The following FHIP1A variants were observed in gnomAD, a reference collection of about 807,000 sequenced individuals.
FHIP1A encodes the protein FHF complex subunit HOOK interacting protein 1A.
In FHIP1A, 61 loss-of-function variants were observed where a neutral mutation model predicts 88.6. The ratio of observed to expected loss-of-function variants is 0.69; its 90% CI spans 0.56 to 0.85. FHIP1A has a LOEUF of 0.85. FHIP1A is among the 40% of genes least tolerant of loss of function. The probability of loss-of-function intolerance (pLI) is 0.00; values close to 1 mark genes in which losing one functional copy is unlikely to be tolerated. For missense variants in FHIP1A, 1,154 were observed against 1,273.5 expected, an observed-to-expected ratio of 0.91 and a Z score of 1.43; for synonymous variants, 478 against 496.0, an observed-to-expected ratio of 0.96 and a Z score of 0.48.
At chr4:151,653,070 T>A (rs1250799174) in intron 11 of FHIP1A, among the ~76,000 whole-genome samples, 1 of 152,168 alleles carries the variant, frequency 6.6e-6, no homozygotes, top group African/African-American at 2.4e-5. Flanking sequence ...GAATTCAGAA[T>A]GCGCCAGTGC....
chr4:151,522,581 C>T (rs1190462579), intron 3 of FHIP1A, among the ~76,000 whole-genome samples: 1 of 152,192 alleles, frequency 6.6e-6, no homozygotes, highest in Non-Finnish European at 1.5e-5. Context: ...TTTTTCACTT[C>T]CCTGCCTATT....
At chr4:151,452,759 C>T (rs992640703) in intron 1 of FHIP1A, among the ~76,000 whole-genome samples, 11 of 141,176 alleles carry the variant, frequency 7.8e-5, no homozygotes, top group Admixed American at 6.4e-4. Context: ...GCCTGGGTGA[C>T]GGAATGAGAC....
intron 2 of FHIP1A, among the ~76,000 whole-genome samples, chr4:151,474,219 A>G (rs1228073600): frequency 6.6e-6 from 1 of 152,208 alleles, no homozygotes; most frequent in African/African-American, 2.4e-5. Flanking sequence ...ATGTTGGAAA[A>G]TGATTTTATT....
intron 7 of FHIP1A, among the ~76,000 whole-genome samples, chr4:151,620,225 G>T (rs1414793522): frequency 6.6e-6 from 1 of 152,226 alleles, no homozygotes; most frequent in Non-Finnish European, 1.5e-5. Context: ...GCAGATAGGA[G>T]AGATGGTGTT....
intron 3 of FHIP1A, among the ~76,000 whole-genome samples, chr4:151,556,266 TATGATCAGGTCTACCTAAA>T (rs1279524410): frequency 1.3e-5 from 2 of 152,188 alleles, no homozygotes; most frequent in African/African-American, 4.8e-5. Flanking sequence ...TTGATATTAG[TATGATCAGGTCTACCTAAA>T]ATCCAAATGC....
At chr4:151,645,373 C>A (rs1005140350) in intron 9 of FHIP1A, among the ~76,000 whole-genome samples, 1 of 152,060 alleles carries the variant, frequency 6.6e-6, no homozygotes, top group African/African-American at 2.4e-5. Context: ...TCTTTCCTCT[C>A]TGACTCTGGC....
chr4:151,588,877 A>G lies in FHIP1A; in HGVS notation c.929A>G (p.Tyr310Cys). ...TTGATTCGAAATCAGCTTGTCAATT[A>G]CATTTACAATGGATTTTTGGTACCA... ...HPLIRNQLVN[Y>C]IYNGFLVPVL... Residue 310 changes from tyrosine (Y) to cysteine (C), a missense_variant, in exon 7 of 14, where the codon TAC (tyrosine) becomes TGC (cysteine). Coordinates refer to ENST00000435205, the MANE Select transcript of FHIP1A (RefSeq NM_001109977.3). The G allele has an allele frequency of 6.4e-7, 1 of 1,551,358 alleles. No individual in the cohort carries two copies.
chr4:151,626,097 AT>A (rs1332828862), intron 7 of FHIP1A, among the ~76,000 whole-genome samples: 2 of 152,252 alleles, frequency 1.3e-5, no homozygotes, highest in African/African-American at 2.4e-5. Context: ...CAAAGCACAT[AT>A]ATTTAATGTA....
At chr4:151,622,499 T>A (rs1735785211) in intron 7 of FHIP1A, among the ~76,000 whole-genome samples, 1 of 152,132 alleles carries the variant, frequency 6.6e-6, no homozygotes, top group Admixed American at 6.5e-5. Flanking sequence ...TCTCCAGCCT[T>A]CTGGTGATTC....
chr4:151,502,336 A>G (rs1482991128), intron 3 of FHIP1A, among the ~76,000 whole-genome samples: 1 of 150,930 alleles, frequency 6.6e-6, no homozygotes, highest in Non-Finnish European at 1.5e-5. Flanking sequence ...ACAAACAAAC[A>G]AACAAACAAA....
At chr4:151,458,361 T>G (rs1388659749) in intron 2 of FHIP1A, among the ~76,000 whole-genome samples, 1 of 152,176 alleles carries the variant, frequency 6.6e-6, no homozygotes, top group Non-Finnish European at 1.5e-5. Context: ...GTGTTCTTGG[T>G]CCTATAAGGA....
At chr4:151,619,249 T>C (rs1735651137) in intron 7 of FHIP1A, among the ~76,000 whole-genome samples, 1 of 152,236 alleles carries the variant, frequency 6.6e-6, no homozygotes, top group African/African-American at 2.4e-5. Flanking sequence ...GTGCCACTGT[T>C]TTTTTCCAGT....
chr4:151,577,918 G>T lies in FHIP1A; in HGVS notation c.574G>T (p.Ala192Ser). 6.4e-7 allele frequency: 1 copy of T among 1,551,490 alleles called. No individual in the cohort carries two copies. The highest frequency in any genetic ancestry group is 8.7e-7 in the Non-Finnish European group (1 of 1,146,954). Residue 192 changes from alanine (A) to serine (S), a missense_variant, in exon 5 of 14, where the codon GCT becomes TCT. By Grantham distance (99) the Ala-to-Ser change is moderately conservative (BLOSUM62 1). Transcript: ENST00000435205. The stretch of plus-strand genomic sequence containing the variant: ...CTTCCACACTAGTGAAGACCAAGGC[G>T]CTGCCAACTTCCTCATCTTCTCCCT... ...LFFHTSEDQG[A>S]ANFLIFSLLI...
At chr4:151,515,143 G>T (rs1414476251) in intron 3 of FHIP1A, among the ~76,000 whole-genome samples, 4 of 152,118 alleles carry the variant, frequency 2.6e-5, no homozygotes, top group Non-Finnish European at 4.4e-5. Context: ...TGCAAGACTG[G>T]TTCAATATAT....
At chr4:151,611,960 T>C (rs1415700237) in intron 7 of FHIP1A, among the ~76,000 whole-genome samples, 1 of 152,228 alleles carries the variant, frequency 6.6e-6, no homozygotes, top group African/African-American at 2.4e-5. Context: ...CAAATCTAAG[T>C]GGAGAGATTA....
intron 2 of FHIP1A, among the ~76,000 whole-genome samples, chr4:151,465,629 A>T (rs1393300540): frequency 6.6e-6 from 1 of 152,246 alleles, no homozygotes; most frequent in African/African-American, 2.4e-5. Context: ...CCTCAATAAA[A>T]TACTGGCAAA....
At chr4:151,585,815 G>A (rs189778341) in intron 5 of FHIP1A, among the ~76,000 whole-genome samples, 53 of 152,248 alleles carry the variant, frequency 3.5e-4, no homozygotes, top group Non-Finnish European at 6.5e-4. Flanking sequence ...GAACACTAAG[G>A]GAGGAAGCAA....
intron 7 of FHIP1A, among the ~76,000 whole-genome samples, chr4:151,593,950 A>T (rs1486766353): frequency 6.6e-6 from 1 of 152,120 alleles, no homozygotes; most frequent in Non-Finnish European, 1.5e-5. Context: ...TACTTAGTTT[A>T]TTGAGAGTTT....
At chr4:151,489,791 C>G (rs1345680835) in intron 3 of FHIP1A, among the ~76,000 whole-genome samples, 1 of 152,102 alleles carries the variant, frequency 6.6e-6, no homozygotes, top group Non-Finnish European at 1.5e-5. Flanking sequence ...TACCCTCCAT[C>G]CTCCTCAGTG....
Sources: gnomAD v4.1 joint callset for allele counts (sites outside exome capture counted in the v4.1 genomes callset) on GRCh38, gnomAD v4.1.1 for gene constraint, MANE v1.5 for transcripts, NCBI Gene and HGNC (gene_info 2026-07-23, HGNC 2026-07-21) for gene names.